FLT1: variants seen among roughly 807,000 people sequenced by gnomAD.
FLT1 encodes vascular endothelial growth factor receptor 1.
In FLT1, 49 loss-of-function variants were observed where a neutral mutation model predicts 156.3. That is an observed-to-expected ratio of 0.31 (90% CI 0.25 to 0.40). FLT1 has a LOEUF of 0.40. Among genes scored for constraint, FLT1 ranks in the 10% least tolerant of loss-of-function variants. The pLI is 1.00. For synonymous variants in FLT1, 594 were observed against 583.8 expected, an observed-to-expected ratio of 1.02 and a Z score of -0.25; for missense variants, 1,322 against 1,637.2, an observed-to-expected ratio of 0.81 and a Z score of 3.32.
chr13:28,486,395 G>T (rs1244579892), intron 1 of FLT1, among the ~76,000 whole-genome samples: 1 of 152,228 alleles, frequency 6.6e-6, no homozygotes, highest in Non-Finnish European at 1.5e-5. Flanking sequence ...CACCCAAGTG[G>T]GAGCCATACT....
At position 28,494,845 on chromosome 13, in the gene FLT1, G is replaced by C. The variant is rs748992048; in HGVS notation, c.-2C>G. Reference sequence around the variant, plus strand: ...CCCGGTGTCCCAGTAGCTGACCATGGTGAGCGCGACGCGGCCTGCTCGCCC... The same window carrying C: ...CCCGGTGTCCCAGTAGCTGACCATGCTGAGCGCGACGCGGCCTGCTCGCCC... On this transcript the variant is annotated 5_prime_UTR_variant, in exon 1 of 30. Coordinates refer to ENST00000282397, the MANE Select transcript of FLT1 (RefSeq NM_002019.4). 1 of 1,556,178 alleles carries C rather than the reference G, an allele frequency of 6.4e-7. No homozygotes were observed. Among genetic ancestry groups the C allele is most frequent in the Non-Finnish European group, 8.6e-7 (1 of 1,157,208 alleles).
At chr13:28,485,428 C>T (rs989292763) in intron 1 of FLT1, among the ~76,000 whole-genome samples, 4 of 152,118 alleles carry the variant, frequency 2.6e-5, no homozygotes, top group African/African-American at 9.7e-5. Context: ...ATAGAAAGCT[C>T]TTCTCTGGGG....
intron 7 of FLT1, among the ~76,000 whole-genome samples, chr13:28,430,856 G>T (rs1877635752): frequency 6.6e-6 from 1 of 151,944 alleles, no homozygotes; most frequent in African/African-American, 2.4e-5. Flanking sequence ...TGTTTATACA[G>T]AACACTAAGA....
chr13:28,364,483 C>G (rs1395144098), intron 14 of FLT1, among the ~76,000 whole-genome samples: 1 of 152,142 alleles, frequency 6.6e-6, no homozygotes, highest in Admixed American at 6.5e-5. Context: ...TCTTTTCCTA[C>G]CCTGATATCA....
intron 3 of FLT1, among the ~76,000 whole-genome samples, chr13:28,463,751 A>C (rs552146175): frequency 5.3e-5 from 8 of 152,346 alleles, no homozygotes; most frequent in Non-Finnish European, 1.0e-4. Flanking sequence ...CTGTCATGGA[A>C]GTGTTCGGTA....
In FLT1 at chr13:28,437,236, C is replaced by A. The variant is rs1273871069; in HGVS notation, c.513+985G>T. Among the ~76,000 whole-genome samples the A allele has an allele frequency of 3.3e-5, 5 of 152,308 alleles. No homozygotes were observed. The Middle Eastern group carries it at 0.01, about 311-fold the overall frequency. ...ATGTAGTGGAGGCCAAAACCTGTCTCTGATGGACTATGTTGAAGGCCTACG... is the reference window on the plus strand; with the variant it reads ...ATGTAGTGGAGGCCAAAACCTGTCTATGATGGACTATGTTGAAGGCCTACG... On this transcript the variant is annotated intron_variant, in intron 4 of 29. Coordinates refer to ENST00000282397, the MANE Select transcript of FLT1 (RefSeq NM_002019.4).
At chr13:28,449,140 G>A (rs1593804276) in intron 3 of FLT1, among the ~76,000 whole-genome samples, 1 of 152,218 alleles carries the variant, frequency 6.6e-6, no homozygotes, top group Non-Finnish European at 1.5e-5. Context: ...AAAATTAGCT[G>A]GGCATGGTGG....
chr13:28,452,309 C>A (rs1340413623), intron 3 of FLT1, among the ~76,000 whole-genome samples: 2 of 152,122 alleles, frequency 1.3e-5, no homozygotes, highest in African/African-American at 4.8e-5. Flanking sequence ...AAGTATGCAG[C>A]CTTAAACATG....
chr13:28,486,443 T>G (rs942898634), intron 1 of FLT1, among the ~76,000 whole-genome samples: 2 of 152,164 alleles, frequency 1.3e-5, no homozygotes, highest in South Asian at 2.1e-4. Flanking sequence ...GAGGCCCGGA[T>G]GGAGAGGAAA....
chr13:28,303,918 T>C (rs1053364517), intron 29 of FLT1, among the ~76,000 whole-genome samples: 2 of 152,092 alleles, frequency 1.3e-5, no homozygotes, highest in African/African-American at 4.8e-5. Flanking sequence ...AGAGGAAACG[T>C]TTTAGTCACG....
Position 28,308,870 on chromosome 13 carries a change from A to C in FLT1, c.3693T>G (p.Leu1231=). The change falls in exon 28 of 30, where the codon CTT becomes CTG. Residue 1231 remains leucine, a synonymous_variant. Coordinates refer to ENST00000282397, the MANE Select transcript of FLT1 (RefSeq NM_002019.4). ...SLERIKTFEE[L]LPNATSMFDD... ...CAAACATGGAGGTGGCATTCGGTAA[A>C]AGTTCTTCAAAGGTTTTGATTCTTT... 1 of 1,612,894 alleles carries C rather than the reference A, an allele frequency of 6.2e-7. No homozygotes were observed. The highest frequency in any genetic ancestry group is 8.5e-7 in the Non-Finnish European group (1 of 1,178,838).
At chr13:28,343,444 C>T (rs867489835) in intron 16 of FLT1, among the ~76,000 whole-genome samples, 4 of 150,912 alleles carry the variant, frequency 2.7e-5, no homozygotes, top group Admixed American at 6.6e-5. Context: ...AGATTACAGG[C>T]GCCTGCCACC....
chr13:28,441,436 C>A (rs996381022), intron 3 of FLT1, among the ~76,000 whole-genome samples: 1 of 152,220 alleles, frequency 6.6e-6, no homozygotes, highest in Non-Finnish European at 1.5e-5. Context: ...TTGCCTCAGT[C>A]TCTCCCTCTG....
At chr13:28,415,254 C>A (rs555888449) in intron 10 of FLT1, among the ~76,000 whole-genome samples, 2 of 152,102 alleles carry the variant, frequency 1.3e-5, no homozygotes, top group East Asian at 1.9e-4. Context: ...CCAAGGCAGA[C>A]GGACCACCTG....
chr13:28,377,256 T>C (rs1462749867), intron 14 of FLT1, among the ~76,000 whole-genome samples: 1 of 152,224 alleles, frequency 6.6e-6, no homozygotes, highest in African/African-American at 2.4e-5. Context: ...AGTTCTAATT[T>C]GGAGCCCCTA....
intron 15 of FLT1, among the ~76,000 whole-genome samples, chr13:28,347,241 G>A (rs1398181154): frequency 6.6e-6 from 1 of 152,138 alleles, no homozygotes; most frequent in Non-Finnish European, 1.5e-5. Context: ...ACCCAGACCT[G>A]GCCAAGTGCG....
At chr13:28,466,288 A>G (rs568710128) in intron 3 of FLT1, among the ~76,000 whole-genome samples, 21 of 152,216 alleles carry the variant, frequency 1.4e-4, no homozygotes, top group Non-Finnish European at 2.9e-4. Flanking sequence ...TGAATGAATG[A>G]AAATGATTTT....
chr13:28,384,483 G>A (rs546714887), intron 14 of FLT1, among the ~76,000 whole-genome samples: 100 of 149,710 alleles, frequency 6.7e-4, no homozygotes, highest in Non-Finnish European at 1.1e-3. Context: ...GAAAGAAAAC[G>A]AGATTATAAA....
chr13:28,334,268 G>A, intron 17 of FLT1, 139 bp from the exon 18 acceptor site: 1 of 749,260 alleles, frequency 1.3e-6, no homozygotes, highest in Non-Finnish European at 2.5e-6. Flanking sequence ...AAGAGACAAA[G>A]TAAGGGACTT....
Sources: allele counts gnomAD v4.1 joint callset (sites outside exome capture counted in the v4.1 genomes callset), GRCh38; gene constraint gnomAD v4.1.1; transcripts MANE v1.5; gene names NCBI Gene and HGNC (gene_info 2026-07-23, HGNC 2026-07-21).